FHIT: variants seen among roughly 807,000 people sequenced by gnomAD.
FHIT encodes the protein bis(5'-adenosyl)-triphosphatase.
Under a neutral mutation model 17.9 loss-of-function variants are expected in FHIT, and 19 were observed. That is an observed-to-expected ratio of 1.06 (90% CI 0.74 to 1.56). FHIT has a LOEUF of 1.56. Among genes scored for constraint, FHIT ranks in the 40% most tolerant of loss-of-function variants. The pLI is 0.00. For synonymous variants in FHIT, 81 were observed against 69.7 expected, an observed-to-expected ratio of 1.16 and a Z score of -0.81; for missense variants, 248 against 189.2, an observed-to-expected ratio of 1.31 and a Z score of -1.82.
At chr3:60,075,033 C>T (rs553534600) in intron 5 of FHIT, among the ~76,000 whole-genome samples, 2 of 152,082 alleles carry the variant, frequency 1.3e-5, no homozygotes, top group Non-Finnish European at 2.9e-5. Flanking sequence ...GGCTAACATG[C>T]TAGCCAGTTT....
intron 5 of FHIT, among the ~76,000 whole-genome samples, chr3:60,115,960 G>C (rs563419917): frequency 1.3e-5 from 2 of 152,256 alleles, no homozygotes; most frequent in East Asian, 1.9e-4. Context: ...TTATAGATGA[G>C]AAGTTGAATT....
At chr3:60,568,081 A>G (rs2037207125) in intron 4 of FHIT, among the ~76,000 whole-genome samples, 1 of 152,198 alleles carries the variant, frequency 6.6e-6, no homozygotes, top group Non-Finnish European at 1.5e-5. Context: ...TAGAAATGCC[A>G]TTTGGCCCAG....
intron 8 of FHIT, among the ~76,000 whole-genome samples, chr3:59,759,701 C>T (rs1331061991): frequency 6.6e-6 from 1 of 152,110 alleles, no homozygotes; most frequent in Non-Finnish European, 1.5e-5. Context: ...CTGGCACCTC[C>T]CTGGCACTGT....
chr3:60,209,370 C>A (rs1703345764), intron 5 of FHIT, among the ~76,000 whole-genome samples: 1 of 152,126 alleles, frequency 6.6e-6, no homozygotes, highest in African/African-American at 2.4e-5. Flanking sequence ...ACATGATGAT[C>A]TGTTAGAACC....
In FHIT at chr3:60,026,495, C is replaced by A. The variant is rs139097273; in HGVS notation, c.104-12343G>T. On this transcript the variant is annotated intron_variant, in intron 5 of 9. Coordinates refer to ENST00000492590, the MANE Select transcript of FHIT (RefSeq NM_002012.4). ...TGTACTTTTCTACATTCCACTCACC[C>A]ACCCATCTCCATTTTCTCATTTGAT... Among the ~76,000 whole-genome samples the A allele has an allele frequency of 4.4e-3, 672 of 152,224 alleles. 4 individuals are homozygous for A. Among genetic ancestry groups the A allele is most frequent in the African/African-American group, 0.015 (632 of 41,530 alleles).
At chr3:60,497,054 G>C (rs1025573775) in intron 5 of FHIT, among the ~76,000 whole-genome samples, 3 of 152,072 alleles carry the variant, frequency 2.0e-5, no homozygotes, top group African/African-American at 7.2e-5. Flanking sequence ...TTCTCAAAAG[G>C]GGGTAACTTT....
chr3:60,297,883 T>C (rs1222440527), intron 5 of FHIT, among the ~76,000 whole-genome samples: 1 of 152,136 alleles, frequency 6.6e-6, no homozygotes, highest in Non-Finnish European at 1.5e-5. Flanking sequence ...CCACTTTGGA[T>C]GTCAGTTGTG....
At chr3:60,144,200 T>C (rs954633658) in intron 5 of FHIT, among the ~76,000 whole-genome samples, 9 of 152,218 alleles carry the variant, frequency 5.9e-5, no homozygotes, top group Non-Finnish European at 1.0e-4. Context: ...TGGGGACTTA[T>C]TCATTTACAC....
intron 4 of FHIT, among the ~76,000 whole-genome samples, chr3:60,549,875 T>C (rs927925518): frequency 1.3e-5 from 2 of 152,152 alleles, no homozygotes; most frequent in Admixed American, 1.3e-4. Context: ...AATATTAAGG[T>C]TCACTGTAAA....
rs2036698819 is a variant in FHIT at position 60,555,085 on chromosome 3, T to C, written c.-17-18106A>G. On this transcript the variant is annotated intron_variant, in intron 4 of 9. Coordinates refer to ENST00000492590, the MANE Select transcript of FHIT (RefSeq NM_002012.4). ...GTACAACCTTGTAAGAGAACAAGTT[T>C]AGAAGTATATAATGCACATCTTCCT... Among the ~76,000 whole-genome samples the C allele has an allele frequency of 2.0e-5, 3 of 152,354 alleles. No homozygotes were observed. In the South Asian group the frequency reaches 6.2e-4, roughly 32 times the overall value.
chr3:60,574,002 A>G (rs1271757826), intron 4 of FHIT, among the ~76,000 whole-genome samples: 4 of 151,608 alleles, frequency 2.6e-5, no homozygotes, highest in Non-Finnish European at 5.9e-5. Context: ...TAGAGACAGC[A>G]TTTCACCATG....
At chr3:59,855,030 G>A (rs917034152) in intron 8 of FHIT, among the ~76,000 whole-genome samples, 15 of 152,180 alleles carry the variant, frequency 9.9e-5, no homozygotes, top group African/African-American at 3.6e-4. Context: ...GATCACAATT[G>A]TGGCCTCTGA....
At chr3:60,551,983 AT>A (rs1380495229) in intron 4 of FHIT, among the ~76,000 whole-genome samples, 8 of 151,928 alleles carry the variant, frequency 5.3e-5, no homozygotes, top group Non-Finnish European at 8.8e-5. Flanking sequence ...TTTAGCAGTC[AT>A]TTCACATTTT....
intron 5 of FHIT, among the ~76,000 whole-genome samples, chr3:60,056,308 A>G (rs1002284118): frequency 6.6e-5 from 10 of 152,190 alleles, no homozygotes; most frequent in African/African-American, 2.4e-4. Context: ...TTCTGGTTCT[A>G]TTACTTGAGA....
chr3:60,890,219 T>A lies in FHIT; in HGVS notation c.-110-68208A>T. The stretch of plus-strand genomic sequence containing the variant: ...CTTTCCAAAAAATTAGCTTCCATGA[T>A]GTAAAAAAAAAAAAAAAAAAAAAAA... On this transcript the variant is annotated intron_variant, in intron 3 of 9. Coordinates refer to ENST00000492590, the MANE Select transcript of FHIT (RefSeq NM_002012.4). Among the ~76,000 whole-genome samples the A allele has an allele frequency of 1.3e-4, 4 of 30,702 alleles. No individual in the cohort carries two copies. The Admixed American group carries it at 1.5e-3, about 12-fold the overall frequency. 20.1% of individuals were successfully genotyped at this position (30,702 alleles called of 152,430 possible).
At chr3:60,044,980 A>C (rs934978563) in intron 5 of FHIT, among the ~76,000 whole-genome samples, 1 of 152,160 alleles carries the variant, frequency 6.6e-6, no homozygotes, top group African/African-American at 2.4e-5. Flanking sequence ...AATTGAAGTT[A>C]TTTTGACCCA....
chr3:61,169,304 T>C (rs1194358333), intron 2 of FHIT, among the ~76,000 whole-genome samples: 17 of 152,204 alleles, frequency 1.1e-4, no homozygotes, highest in Non-Finnish European at 1.5e-5. Context: ...GCAACTCATC[T>C]TAACTCTCTT....
chr3:61,106,802 C>T (rs1300671328), intron 2 of FHIT, among the ~76,000 whole-genome samples: 2 of 151,932 alleles, frequency 1.3e-5, no homozygotes, highest in East Asian at 1.9e-4. Flanking sequence ...CTGGGACTAC[C>T]GGCATGAGCC....
chr3:60,710,727 A>C (rs1735465), intron 4 of FHIT, among the ~76,000 whole-genome samples: 139,091 of 152,236 alleles, frequency 0.91, 64,258 homozygotes, highest in East Asian at 1. Flanking sequence ...GGAAGGGGCG[A>C]CCGCCATTGC....
Sources: gnomAD v4.1 joint callset for allele counts (sites outside exome capture counted in the v4.1 genomes callset) on GRCh38, gnomAD v4.1.1 for gene constraint, MANE v1.5 for transcripts, NCBI Gene and HGNC (gene_info 2026-07-23, HGNC 2026-07-21) for gene names.